The following GTF2F2 variants were observed in gnomAD, a reference collection of about 807,000 sequenced individuals.
The protein encoded by GTF2F2 is ATP-dependent helicase GTF2F2.
GTF2F2 carries 23 observed loss-of-function variants against 42.2 expected under a neutral mutation model. That is an observed-to-expected ratio of 0.55 (90% CI 0.39 to 0.77). The LOEUF is 0.77. Ranked by LOEUF, GTF2F2 falls within the 30% of genes least tolerant of loss-of-function variation. GTF2F2 has a pLI of 0.00. For synonymous variants in GTF2F2, 105 were observed against 100.8 expected (o/e 1.04, Z -0.25); for missense variants, 261 against 287.2 (o/e 0.91, Z 0.66).
intron 7 of GTF2F2, among the ~76,000 whole-genome samples, chr13:45,282,785 G>A (rs923406526): frequency 2.0e-5 from 3 of 152,122 alleles, no homozygotes; most frequent in Non-Finnish European, 4.4e-5. Flanking sequence ...GATTACAGGC[G>A]TGAGCCACCA....
intron 2 of GTF2F2, among the ~76,000 whole-genome samples, chr13:45,140,816 T>A (rs1315210675): frequency 6.6e-6 from 1 of 152,232 alleles, no homozygotes; most frequent in African/African-American, 2.4e-5. Flanking sequence ...GGAATGTATG[T>A]CACTGAAGAA....
At chr13:45,200,299 C>T (rs1472642150) in intron 4 of GTF2F2, among the ~76,000 whole-genome samples, 1 of 151,960 alleles carries the variant, frequency 6.6e-6, no homozygotes, top group African/African-American at 2.4e-5. Context: ...TAAAATTAGG[C>T]AAATTATTTT....
At chr13:45,249,304 C>G (rs548936064) in intron 5 of GTF2F2, among the ~76,000 whole-genome samples, 1 of 152,148 alleles carries the variant, frequency 6.6e-6, no homozygotes, top group South Asian at 2.1e-4. Flanking sequence ...AAGTTGTCCT[C>G]TTTTAATTAA....
intron 1 of GTF2F2, 109 bp downstream of exon 1, chr13:45,120,830 C>A: frequency 1.3e-6 from 1 of 746,132 alleles, no homozygotes; most frequent in Non-Finnish European, 2.3e-6. Context: ...ACGGCTATCT[C>A]GTTAGAGCTT....
In GTF2F2 at chr13:45,212,512, C is replaced by CTTTCT. The variant is rs1215743985; in HGVS notation, c.386+5010_386+5014dup. Among the ~76,000 whole-genome samples, 73 of 71,970 alleles carry CTTTCT rather than the reference C, an allele frequency of 1.0e-3. 1 individual carries two copies. Among genetic ancestry groups the CTTTCT allele is most frequent in the Non-Finnish European group, 1.8e-3 (60 of 33,358 alleles). 47.2% of individuals were successfully genotyped at this position (71,970 alleles called of 152,430 possible). A position where few individuals can be genotyped will look rare whatever the true frequency, so the allele number is the denominator to read the frequency against. On this transcript the variant is annotated intron_variant, in intron 5 of 7. Coordinates refer to ENST00000340473, the MANE Select transcript of GTF2F2 (RefSeq NM_004128.3). ...CTTTCTTTCTTTCTTTCTTTCTTTT[C>CTTTCT]TTTCTTTCTCTTTCTCTCTTTCTCA...
chr13:45,256,288 T>G (rs59118444), intron 6 of GTF2F2, among the ~76,000 whole-genome samples: 1 of 152,296 alleles, frequency 6.6e-6, no homozygotes, highest in East Asian at 1.9e-4. Flanking sequence ...CCTTACTGAT[T>G]GTCTAAGATT....
intron 6 of GTF2F2, among the ~76,000 whole-genome samples, chr13:45,253,929 C>T (rs1050852776): frequency 2.6e-5 from 4 of 152,032 alleles, no homozygotes; most frequent in Non-Finnish European, 5.9e-5. Context: ...AAAAATTAGT[C>T]GGGCATGGCG....
chr13:45,254,886 G>T (rs917615409), intron 6 of GTF2F2, among the ~76,000 whole-genome samples: 1 of 152,084 alleles, frequency 6.6e-6, no homozygotes, highest in Non-Finnish European at 1.5e-5. Context: ...ACTAGCCTTG[G>T]CAGAGTGCGG....
intron 5 of GTF2F2, among the ~76,000 whole-genome samples, chr13:45,231,598 C>G (rs1874687435): frequency 6.6e-6 from 1 of 152,108 alleles, no homozygotes; most frequent in Admixed American, 6.5e-5. Context: ...ATGGCTTTCA[C>G]TCTTTAATAT....
chr13:45,249,578 A>G (rs1052908250), intron 5 of GTF2F2, among the ~76,000 whole-genome samples: 6 of 152,196 alleles, frequency 3.9e-5, no homozygotes, highest in African/African-American at 1.2e-4. Context: ...AGAATAAGCT[A>G]CCGTTTATAA....
At chr13:45,182,577 C>G (rs1872218061) in intron 4 of GTF2F2, among the ~76,000 whole-genome samples, 1 of 152,084 alleles carries the variant, frequency 6.6e-6, no homozygotes, top group African/African-American at 2.4e-5. Context: ...CAAGAGTTTA[C>G]TATATCTCAA....
intron 4 of GTF2F2, chr13:45,193,063 C>T (rs1440908328): frequency 6.6e-6 from 1 of 152,142 alleles, no homozygotes; most frequent in Non-Finnish European, 1.5e-5. Flanking sequence ...TTTAAAGTGA[C>T]CTGTAACTTT....
chr13:45,143,616 C>T (rs1286929015), intron 2 of GTF2F2, among the ~76,000 whole-genome samples: 1 of 152,180 alleles, frequency 6.6e-6, no homozygotes, highest in Non-Finnish European at 1.5e-5. Context: ...TTCCGAAGCT[C>T]AGCAGCAGCT....
intron 5 of GTF2F2, among the ~76,000 whole-genome samples, chr13:45,228,144 G>A (rs369673869): frequency 2.0e-5 from 3 of 151,390 alleles, no homozygotes; most frequent in East Asian, 1.9e-4. Flanking sequence ...GCATTTGTCC[G>A]CTTACCATGC....
At chr13:45,201,132 G>T (rs1873160894) in intron 4 of GTF2F2, among the ~76,000 whole-genome samples, 1 of 152,130 alleles carries the variant, frequency 6.6e-6, no homozygotes, top group South Asian at 2.1e-4. Flanking sequence ...GTTGCTGCTT[G>T]CTTATTCCTT....
chr13:45,165,278 A>T (rs1307505951), intron 4 of GTF2F2, among the ~76,000 whole-genome samples: 3 of 148,080 alleles, frequency 2.0e-5, no homozygotes, highest in African/African-American at 7.4e-5. Flanking sequence ...TATATATAAT[A>T]TATACCCATT....
intron 2 of GTF2F2, among the ~76,000 whole-genome samples, chr13:45,147,167 T>C (rs1412962046): frequency 6.6e-6 from 1 of 152,200 alleles, no homozygotes; most frequent in Non-Finnish European, 1.5e-5. Context: ...TGATCTTTAA[T>C]TCATCTTTTT....
At position 45,247,826 on chromosome 13, in the gene GTF2F2, TTTGTTG is replaced by T. The variant is rs372306072; in HGVS notation, c.387-5033_387-5028del. 6.1e-4 allele frequency among the ~76,000 whole-genome samples: 93 copies of T among 151,704 alleles called. 1 individual carries two copies. The South Asian group carries it at 0.019, about 31-fold the overall frequency. ...GTTACCTAAAATTAAAATTGCAGTT[TTTGTTG>T]TTGTTGTTGTTTGTCTGTTCATTTG... On this transcript the variant is annotated intron_variant, in intron 5 of 7. Transcript: ENST00000340473.
intron 7 of GTF2F2, among the ~76,000 whole-genome samples, chr13:45,281,247 G>T (rs1035156825): frequency 2.0e-5 from 3 of 152,146 alleles, no homozygotes; most frequent in African/African-American, 7.2e-5. Flanking sequence ...GCTGCCATCT[G>T]CTGGGGCTTG....
Sources: gnomAD v4.1 joint callset for allele counts (sites outside exome capture counted in the v4.1 genomes callset) on GRCh38, gnomAD v4.1.1 for gene constraint, MANE v1.5 for transcripts, NCBI Gene and HGNC (gene_info 2026-07-23, HGNC 2026-07-21) for gene names.